TNFRSF11A: variants seen among roughly 807,000 people sequenced by gnomAD.
TNFRSF11A encodes the protein tumor necrosis factor receptor superfamily member 11A.
TNFRSF11A carries 32 observed loss-of-function variants against 55.7 expected under a neutral mutation model. That is an observed-to-expected ratio of 0.57 (90% confidence interval 0.43 to 0.77). The LOEUF (loss-of-function observed/expected upper bound fraction) is 0.77. Ranked by LOEUF, TNFRSF11A falls within the 30% of genes least tolerant of loss-of-function variation. TNFRSF11A has a pLI of 0.00. For missense variants in TNFRSF11A, 753 were observed against 809.8 expected, an observed-to-expected ratio of 0.93 and a Z score of 0.85; for synonymous variants, 311 against 331.0, an observed-to-expected ratio of 0.94 and a Z score of 0.65.
At chr18:62,347,030 G>A (rs1272156045) in intron 1 of TNFRSF11A, among the ~76,000 whole-genome samples, 1 of 152,140 alleles carries the variant, frequency 6.6e-6, no homozygotes, top group East Asian at 1.9e-4. Context: ...TGGTCTGGCT[G>A]ATTTCTATTT....
intron 9 of TNFRSF11A, among the ~76,000 whole-genome samples, chr18:62,378,588 G>A (rs1911056911): frequency 6.6e-6 from 1 of 152,228 alleles, no homozygotes; most frequent in Admixed American, 6.5e-5. Context: ...TGCCACCATT[G>A]CACCTGTGAC....
At chr18:62,349,557 T>C (rs927440346) in intron 2 of TNFRSF11A, among the ~76,000 whole-genome samples, 3 of 152,168 alleles carry the variant, frequency 2.0e-5, no homozygotes, top group African/African-American at 4.8e-5. Flanking sequence ...AAGAGACTGC[T>C]GTGACCACAG....
intron 9 of TNFRSF11A, among the ~76,000 whole-genome samples, chr18:62,380,476 G>A (rs1417564584): frequency 8.7e-5 from 12 of 137,954 alleles, no homozygotes; most frequent in African/African-American, 1.4e-4. Flanking sequence ...TCACTCTGTC[G>A]CCCAGGCTGG....
In TNFRSF11A at chr18:62,389,715, A is replaced by G. The variant is rs4940552; in HGVS notation, c.*4681A>G. Reference sequence around the variant, plus strand: ...CCTTCATCCCATTCATAAAACTGGCATACAGGAATGTTTTAAAAAAATCTT... The same window carrying G: ...CCTTCATCCCATTCATAAAACTGGCGTACAGGAATGTTTTAAAAAAATCTT... On this transcript the variant is annotated 3_prime_UTR_variant, in exon 10 of 10. Transcript: ENST00000586569. 3 of 152,158 alleles carry G rather than the reference A, an allele frequency of 2.0e-5. No homozygotes were observed. The highest frequency in any genetic ancestry group is 7.2e-5 in the African/African-American group (3 of 41,426). The allele number at this position is 152,158 out of a possible 1,614,324, so 9.4% of individuals were successfully genotyped here. A position where few individuals can be genotyped will look rare whatever the true frequency, so the allele number is the denominator to read the frequency against.
chr18:62,336,970 C>T (rs902820202), intron 1 of TNFRSF11A, among the ~76,000 whole-genome samples: 4 of 152,162 alleles, frequency 2.6e-5, no homozygotes, highest in Non-Finnish European at 4.4e-5. Flanking sequence ...TGAGTCAGTG[C>T]TGTGCGCTTT....
intron 7 of TNFRSF11A, among the ~76,000 whole-genome samples, chr18:62,363,278 A>C (rs181955330): frequency 6.6e-6 from 1 of 151,952 alleles, no homozygotes; most frequent in Non-Finnish European, 1.5e-5. Flanking sequence ...CAAATGAAAC[A>C]CTAGACAATC....
At chr18:62,326,882 T>C (rs1249995441) in intron 1 of TNFRSF11A, among the ~76,000 whole-genome samples, 2 of 152,194 alleles carry the variant, frequency 1.3e-5, no homozygotes, top group African/African-American at 4.8e-5. Context: ...ACGAATTCAA[T>C]TGATATAAGA....
intron 9 of TNFRSF11A, among the ~76,000 whole-genome samples, chr18:62,373,330 G>C (rs1910681269): frequency 6.6e-6 from 1 of 152,150 alleles, no homozygotes; most frequent in Admixed American, 6.5e-5. Flanking sequence ...ATGGTGGCAT[G>C]CGCCTGGAAT....
At chr18:62,346,461 C>T (rs1230623115) in intron 1 of TNFRSF11A, among the ~76,000 whole-genome samples, 1 of 152,130 alleles carries the variant, frequency 6.6e-6, no homozygotes, top group African/African-American at 2.4e-5. Flanking sequence ...TTCCTCAGTC[C>T]GCTGGGCTCA....
intron 6 of TNFRSF11A, among the ~76,000 whole-genome samples, chr18:62,360,367 G>C (rs950427069): frequency 3.9e-5 from 6 of 152,082 alleles, no homozygotes; most frequent in African/African-American, 1.4e-4. Flanking sequence ...TCTATGAGGA[G>C]ATTTTAGTCA....
At chr18:62,364,465 G>C (rs185870995) in intron 7 of TNFRSF11A, among the ~76,000 whole-genome samples, 2 of 152,186 alleles carry the variant, frequency 1.3e-5, no homozygotes, top group Non-Finnish European at 2.9e-5. Context: ...AGTGAGAGTA[G>C]ATGCAGGCGC....
chr18:62,346,300 C>G (rs928223265), intron 1 of TNFRSF11A, among the ~76,000 whole-genome samples: 1 of 152,106 alleles, frequency 6.6e-6, no homozygotes, highest in South Asian at 2.1e-4. Context: ...GCTTTTTGAC[C>G]CAGTTTGCAT....
rs956295990 is a variant in TNFRSF11A, at chr18:62,383,877, G to C, written c.1568-874G>C. On this transcript the variant is annotated intron_variant, in intron 9 of 9. Coordinates refer to ENST00000586569, the MANE Select transcript of TNFRSF11A (RefSeq NM_003839.4). The surrounding 1 kb of genome is among the most constrained non-coding windows in gnomAD (Gnocchi z 4.2). Reference sequence around the variant, plus strand: ...GGAGTAATTTTAATGTTAAGGAAGTGGATTAATCTCTACTGAAAGCTGAGC... The same window carrying C: ...GGAGTAATTTTAATGTTAAGGAAGTCGATTAATCTCTACTGAAAGCTGAGC... 6.6e-6 allele frequency among the ~76,000 whole-genome samples: 1 copy of C among 151,956 alleles called. No individual in the cohort carries two copies. The highest frequency in any genetic ancestry group is 2.4e-5 in the African/African-American group (1 of 41,358).
chr18:62,341,805 G>T (rs1213570108), intron 1 of TNFRSF11A, among the ~76,000 whole-genome samples: 3 of 131,724 alleles, frequency 2.3e-5, no homozygotes, highest in East Asian at 5.1e-4. Context: ...TAGCACTATT[G>T]TACAGGTGAG....
At chr18:62,357,496 T>C (rs1909346839) in intron 4 of TNFRSF11A, among the ~76,000 whole-genome samples, 1 of 152,250 alleles carries the variant, frequency 6.6e-6, no homozygotes, top group African/African-American at 2.4e-5. Context: ...ACTGTGTTTA[T>C]CAGTAAAGTT....
chr18:62,346,265 G>A (rs989850071), intron 1 of TNFRSF11A, among the ~76,000 whole-genome samples: 3 of 152,168 alleles, frequency 2.0e-5, no homozygotes, highest in African/African-American at 7.2e-5. Flanking sequence ...CAATGCTCAT[G>A]AATCCTTAGG....
intron 1 of TNFRSF11A, among the ~76,000 whole-genome samples, chr18:62,327,032 A>G (rs8087597): frequency 0.28 from 42,137 of 151,874 alleles, 6,167 homozygotes; most frequent in African/African-American, 0.34. Flanking sequence ...TGCAAAACAG[A>G]TTTTGGGGCG....
chr18:62,369,148 A>G lies in TNFRSF11A; in HGVS notation c.1231A>G (p.Thr411Ala), dbSNP rs777778426. The change falls in exon 9 of 10, where the codon ACT becomes GCT. Residue 411 changes from threonine to alanine, a missense_variant. Around this residue, in one of 3 missense-constraint regions of TNFRSF11A, gnomAD observed 567 missense variants for 596.7 expected, o/e 0.95. Coordinates refer to ENST00000586569, the MANE Select transcript of TNFRSF11A (RefSeq NM_003839.4). Reference protein sequence around the residue: ...SCNCTEPLCRTDWTPMSSENY... With the variant: ...SCNCTEPLCRADWTPMSSENY... ...CAACTGCACTGAGCCCCTGTGCAGGACTGATTGGACTCCCATGTCCTCTGA... is the reference window on the plus strand; with the variant it reads ...CAACTGCACTGAGCCCCTGTGCAGGGCTGATTGGACTCCCATGTCCTCTGA... 6.2e-7 allele frequency: 1 copy of G among 1,614,138 alleles called. No individual in the cohort carries two copies. Among genetic ancestry groups the G allele is most frequent in the Non-Finnish European group, 8.5e-7 (1 of 1,180,036 alleles).
At chr18:62,353,733 T>A (rs961772516) in intron 3 of TNFRSF11A, among the ~76,000 whole-genome samples, 1 of 150,134 alleles carries the variant, frequency 6.7e-6, no homozygotes, top group Non-Finnish European at 1.5e-5. Context: ...GTGTGTGTAG[T>A]TTACAACAGA....
Sources: allele counts gnomAD v4.1 joint callset (sites outside exome capture counted in the v4.1 genomes callset), GRCh38; gene constraint gnomAD v4.1.1; regional missense constraint gnomAD v4.1.1; non-coding constraint Gnocchi (gnomAD v3.1); transcripts MANE v1.5; gene names NCBI Gene and HGNC (gene_info 2026-07-23, HGNC 2026-07-21).